Variants in SBDS observed in about 807,000 individuals in gnomAD.
The protein encoded by SBDS is SBDS ribosome maturation factor.
SBDS carries 20 observed loss-of-function variants against 26.4 expected under a neutral mutation model. The ratio of observed to expected loss-of-function variants is 0.76; its 90% confidence interval spans 0.53 to 1.10. The LOEUF (loss-of-function observed/expected upper bound fraction) is 1.10, where lower values mean the gene tolerates loss of function less well. Ranked by LOEUF, SBDS falls within the 50% of genes least tolerant of loss-of-function variation. The pLI is 0.00. For missense variants in SBDS, 241 were observed against 302.0 expected (o/e 0.80, Z 1.50); for synonymous variants, 95 against 105.1 (o/e 0.90, Z 0.59).
chr7:66,992,436 G>A (rs1333445959), intron 3 of SBDS, among the ~76,000 whole-genome samples: 1 of 152,006 alleles, frequency 6.6e-6, no homozygotes, highest in South Asian at 2.1e-4. Flanking sequence ...CACTTAAAGT[G>A]TACATACTTT....
intron 3 of SBDS, among the ~76,000 whole-genome samples, chr7:66,991,608 T>C (rs1792975877): frequency 6.6e-6 from 1 of 151,916 alleles, no homozygotes; most frequent in South Asian, 2.1e-4. Context: ...CTGGCCAACA[T>C]GGTGAAACCC....
rs1029149427 is a variant in SBDS, at chr7:66,993,423, A to G, written c.259-6T>C. ...ACTTCTCCTTTAGTCAAAATCTAAA[A>G]AAATGCCAACACATTTAAGAAATCA... On this transcript the variant is annotated splice_polypyrimidine_tract_variant and splice_region_variant and intron_variant, in intron 2 of 4. Transcript: ENST00000246868. 1 of 1,610,768 alleles carries G rather than the reference A, an allele frequency of 6.2e-7. No homozygotes were observed. The highest frequency in any genetic ancestry group is 8.5e-7 in the Non-Finnish European group (1 of 1,177,186).
Position 66,991,213 on chromosome 7 carries a change from C to T in SBDS, c.548G>A (p.Gly183Asp), listed in dbSNP as rs1350780742. 4 of 1,613,996 alleles carry T rather than the reference C, an allele frequency of 2.5e-6. No homozygotes were observed. The Admixed American group carries it at 6.7e-5, about 27-fold the overall frequency. ...RLRFILPVNE[G>D]KKLKEKLKPL... The stretch of plus-strand genomic sequence containing the variant: ...CTTGAGCTTTTCTTTCAGCTTCTTG[C>T]CTTCATTGACTGGAAGGATGAACCG... Residue 183 changes from glycine (G) to aspartate (D), a missense_variant, in exon 4 of 5, where the codon GGC (glycine) becomes GAC (aspartate). Coordinates refer to ENST00000246868, the MANE Select transcript of SBDS (RefSeq NM_016038.4).
At chr7:66,994,070 T>C in intron 2 of SBDS, 142 bp downstream of exon 2, 1 of 786,870 alleles carries the variant, frequency 1.3e-6, no homozygotes, top group Non-Finnish European at 2.0e-6. Flanking sequence ...ACCAAGTTCT[T>C]TATTATTAGA....
chr7:66,994,165 C>T (rs374263583), intron 2 of SBDS, 47 bp downstream of exon 2: 155 of 1,600,666 alleles, frequency 9.7e-5, no homozygotes, highest in African/African-American at 9.5e-4. Context: ...TCTACAAATA[C>T]GTTATAAATG....
At chr7:66,990,449 C>A (rs905725727) in intron 4 of SBDS, among the ~76,000 whole-genome samples, 7 of 152,194 alleles carry the variant, frequency 4.6e-5, no homozygotes, top group Admixed American at 1.3e-4. Context: ...GGATTATGAT[C>A]AGCACTGGAG....
chr7:66,995,413 G>C lies in SBDS; in HGVS notation c.5C>G (p.Ser2Trp). 9.9e-6 allele frequency: 16 copies of C among 1,613,684 alleles called. No homozygotes were observed. The highest frequency in any genetic ancestry group is 1.4e-5 in the Non-Finnish European group (16 of 1,179,984). Residue 2 changes from serine (S) to tryptophan (W), a missense_variant, in exon 1 of 5, where the codon TCG (serine) becomes TGG (tryptophan). By Grantham distance (177) the Ser-to-Trp change is radical. Transcript: ENST00000246868. M[S>W]IFTPTNQIRL... ...GATCTGGTTGGTGGGGGTGAAGATCGACATCGCGGCTGTTCAAAGACCCAG... is the reference window on the plus strand; with the variant it reads ...GATCTGGTTGGTGGGGGTGAAGATCCACATCGCGGCTGTTCAAAGACCCAG...
At chr7:66,991,378 A>G in intron 3 of SBDS, 77 bp from the exon 4 acceptor site, 2 of 1,042,544 alleles carry the variant, frequency 1.9e-6, no homozygotes, top group East Asian at 2.5e-5. Context: ...AGTAGTTTCC[A>G]TGTAGTTGGA....
At chr7:66,991,092 A>T in intron 4 of SBDS, 45 bp downstream of exon 4, 3 of 1,452,378 alleles carry the variant, frequency 2.1e-6, no homozygotes, top group Non-Finnish European at 2.9e-6. Context: ...ACTAGAGAAT[A>T]CAATATTTAG....
Position 66,995,277 on chromosome 7 carries a change from G to C in SBDS, c.128+13C>G, listed in dbSNP as rs1481997355. 3 of 1,613,492 alleles carry C rather than the reference G, an allele frequency of 1.9e-6. No homozygotes were observed. The highest frequency in any genetic ancestry group is 1.7e-6 in the Non-Finnish European group (2 of 1,179,952). ...CAGGCCCAGGCCCAGGCCCGAGGGA[G>C]GGGGCTACTCACACGCCGCTCCGCC... On this transcript the variant is annotated intron_variant, in intron 1 of 4. Transcript: ENST00000246868.
intron 1 of SBDS, 170 bp from the exon 2 acceptor site, chr7:66,994,511 C>CCT: frequency 1.5e-6 from 1 of 654,002 alleles, no homozygotes; most frequent in East Asian, 3.5e-5. Flanking sequence ...ACCCCCGCCC[C>CCT]TAGATGGAAT....
intron 4 of SBDS, among the ~76,000 whole-genome samples, chr7:66,989,499 C>T (rs1203825409): frequency 1.3e-5 from 2 of 151,998 alleles, no homozygotes; most frequent in African/African-American, 4.8e-5. Context: ...GAGCTGAGAT[C>T]ACGCCATTGC....
chr7:66,994,175 G>A (rs368647191), intron 2 of SBDS, 37 bp downstream of exon 2: 11 of 1,609,186 alleles, frequency 6.8e-6, no homozygotes, highest in Non-Finnish European at 9.4e-6. Context: ...CGTTATAAAT[G>A]GTTATTAGGG....
chr7:66,993,853 T>TG (rs1041928512), intron 2 of SBDS, among the ~76,000 whole-genome samples: 3 of 151,462 alleles, frequency 2.0e-5, no homozygotes, highest in African/African-American at 7.3e-5. Flanking sequence ...CACTCCAGCC[T>TG]GGGCAACAGA....
chr7:66,991,935 G>A (rs1365402318), intron 3 of SBDS, among the ~76,000 whole-genome samples: 1 of 152,200 alleles, frequency 6.6e-6, no homozygotes, highest in Non-Finnish European at 1.5e-5. Flanking sequence ...AGGATGTGGA[G>A]AAACTGAACT....
chr7:66,988,462 T>C lies in SBDS; in HGVS notation c.662A>G (p.Asp221Gly). The change falls in exon 5 of 5, where the codon GAT (aspartate) becomes GGT (glycine). Residue 221 changes from aspartate to glycine, a missense_variant. By Grantham distance (94) the Asp-to-Gly change is moderately conservative. Coordinates refer to ENST00000246868, the MANE Select transcript of SBDS (RefSeq NM_016038.4). The part of the protein sequence containing the change: ...LIDPGCFREI[D>G]ELIKKETKGK... ...TTTAGTTTCCTTTTTTATTAGCTCA[T>C]CAATTTCTCGGAAGCAGCCCGGGTC... 6.2e-7 allele frequency: 1 copy of C among 1,613,932 alleles called. No homozygotes were observed. The highest frequency in any genetic ancestry group is 8.5e-7 in the Non-Finnish European group (1 of 1,180,022).
At chr7:66,993,628 C>G (rs765972799) in intron 2 of SBDS, among the ~76,000 whole-genome samples, 2 of 152,102 alleles carry the variant, frequency 1.3e-5, no homozygotes, top group Non-Finnish European at 2.9e-5. Context: ...AATCCCAGCA[C>G]TTTGGGTGGC....
intron 4 of SBDS, among the ~76,000 whole-genome samples, chr7:66,989,882 A>G (rs1792939123): frequency 1.4e-5 from 2 of 144,542 alleles, no homozygotes; most frequent in South Asian, 4.3e-4. Context: ...TTAATTTTCA[A>G]ATGAAGACAA....
intron 3 of SBDS, among the ~76,000 whole-genome samples, chr7:66,992,129 T>A (rs1399211658): frequency 6.6e-6 from 1 of 152,248 alleles, no homozygotes; most frequent in Non-Finnish European, 1.5e-5. Flanking sequence ...GATAGATGAA[T>A]GAACAAAATG....
Sources: allele counts gnomAD v4.1 joint callset (sites outside exome capture counted in the v4.1 genomes callset), GRCh38; gene constraint gnomAD v4.1.1; transcripts MANE v1.5; gene names NCBI Gene and HGNC (gene_info 2026-07-23, HGNC 2026-07-21).